TBCA: variants seen among roughly 807,000 people sequenced by gnomAD.
TBCA encodes the protein tubulin folding cofactor A.
Under a neutral mutation model 15.8 loss-of-function variants are expected in TBCA, and 6 were observed. That is an observed-to-expected ratio of 0.38 (90% CI 0.21 to 0.75). TBCA has a LOEUF of 0.75. TBCA is among the 30% of genes least tolerant of loss of function. TBCA has a pLI of 0.46. For missense variants in TBCA, 90 were observed against 131.2 expected, an observed-to-expected ratio of 0.69 and a Z score of 1.53; for synonymous variants, 32 against 42.3, an observed-to-expected ratio of 0.76 and a Z score of 0.94.
At chr5:77,739,584 A>G (rs191250002) in intron 1 of TBCA, among the ~76,000 whole-genome samples, 1 of 152,324 alleles carries the variant, frequency 6.6e-6, no homozygotes, top group Admixed American at 6.5e-5. Context: ...ATCAGTTTTT[A>G]AACATCAAGA....
chr5:77,698,223 G>A (rs992625317), intron 2 of TBCA, among the ~76,000 whole-genome samples: 44 of 150,932 alleles, frequency 2.9e-4, no homozygotes, highest in African/African-American at 1.0e-3. Context: ...AAGATAAAGT[G>A]AAAGGGCACA....
intron 1 of TBCA, among the ~76,000 whole-genome samples, chr5:77,730,524 T>C (rs1580114034): frequency 6.6e-6 from 1 of 152,190 alleles, no homozygotes; most frequent in African/African-American, 2.4e-5. Flanking sequence ...GTTATGGCAG[T>C]CCTAAGTAAT....
At chr5:77,735,588 T>C (rs904749371) in intron 1 of TBCA, among the ~76,000 whole-genome samples, 2 of 152,184 alleles carry the variant, frequency 1.3e-5, no homozygotes, top group Non-Finnish European at 2.9e-5. Context: ...CTAATTTTAG[T>C]CCATATTTAT....
At position 77,714,005 on chromosome 5, in the gene TBCA, GAA is replaced by G. The variant is rs34199450; in HGVS notation, c.54-5660_54-5659del. ...CTTTTAGACGCACACAGAATCCATT[GAA>G]AAAAAAAAAAAACCCCATCTATGTA... On this transcript the variant is annotated intron_variant, in intron 1 of 3. Transcript: ENST00000380377. Among the ~76,000 whole-genome samples, 396 of 137,340 alleles carry G rather than the reference GAA, an allele frequency of 2.9e-3. 3 individuals carry two copies. The highest frequency in any genetic ancestry group is 9.9e-3 in the African/African-American group (370 of 37,378). 90.1% of individuals were successfully genotyped at this position (137,340 alleles called of 152,430 possible). A position where few individuals can be genotyped will look rare whatever the true frequency, so the allele number is the denominator to read the frequency against.
chr5:77,735,309 T>A (rs1408131217), intron 1 of TBCA, among the ~76,000 whole-genome samples: 1 of 152,212 alleles, frequency 6.6e-6, no homozygotes, highest in Non-Finnish European at 1.5e-5. Flanking sequence ...TGCGAAAATC[T>A]ACTCTACTTT....
intron 1 of TBCA, among the ~76,000 whole-genome samples, chr5:77,738,544 T>C (rs1048417785): frequency 1.3e-5 from 2 of 152,228 alleles, no homozygotes; most frequent in African/African-American, 4.8e-5. Flanking sequence ...ATGATTCTGC[T>C]TGTTGAACTA....
intron 1 of TBCA, among the ~76,000 whole-genome samples, chr5:77,753,113 T>A (rs1037382659): frequency 8.5e-5 from 13 of 152,130 alleles, no homozygotes; most frequent in Admixed American, 4.6e-4. Context: ...GCTACCTAAC[T>A]CCTAAGAACC....
chr5:77,776,095 T>C (rs1237056155), intron 1 of TBCA, 110 bp downstream of exon 1: 11 of 1,380,102 alleles, frequency 8.0e-6, no homozygotes, highest in Non-Finnish European at 1.1e-5. Flanking sequence ...GGGTGCGGCC[T>C]GGAGTTCGGA....
At chr5:77,775,747 G>A (rs1256919559) in intron 1 of TBCA, among the ~76,000 whole-genome samples, 3 of 152,134 alleles carry the variant, frequency 2.0e-5, no homozygotes, top group Non-Finnish European at 4.4e-5. Context: ...CTTTTTTGAC[G>A]AGGCCCAGAT....
intron 2 of TBCA, among the ~76,000 whole-genome samples, chr5:77,696,887 C>G (rs1033602714): frequency 6.6e-6 from 1 of 152,158 alleles, no homozygotes; most frequent in East Asian, 1.9e-4. Flanking sequence ...ACAATGTACT[C>G]CAGCCTAGGC....
chr5:77,693,799 CAAAAAAAAAA>C (rs70991303), intron 2 of TBCA, among the ~76,000 whole-genome samples: 19,308 of 78,608 alleles, frequency 0.25, 1,866 homozygotes, highest in African/African-American at 0.4. Flanking sequence ...AACTCCATCT[CAAAAAAAAAA>C]AAAAAAAAAA....
At chr5:77,743,226 G>C (rs1415721927) in intron 1 of TBCA, among the ~76,000 whole-genome samples, 1 of 152,230 alleles carries the variant, frequency 6.6e-6, no homozygotes, top group Admixed American at 6.5e-5. Context: ...GCATATAGCG[G>C]TTAGAGGTAT....
chr5:77,742,634 C>T (rs985076624), intron 1 of TBCA, among the ~76,000 whole-genome samples: 12 of 152,046 alleles, frequency 7.9e-5, no homozygotes, highest in African/African-American at 2.9e-4. Flanking sequence ...AGTAAATATA[C>T]CAAAATGTTC....
intron 2 of TBCA, among the ~76,000 whole-genome samples, chr5:77,698,062 G>C (rs2112423983): frequency 6.6e-6 from 1 of 151,960 alleles, no homozygotes; most frequent in African/African-American, 2.4e-5. Flanking sequence ...TAAGGCTGCA[G>C]TGAGCCATGA....
At chr5:77,750,518 C>T (rs561420926) in intron 1 of TBCA, among the ~76,000 whole-genome samples, 112 of 152,250 alleles carry the variant, frequency 7.4e-4, no homozygotes, top group Non-Finnish European at 9.3e-4. Context: ...TTCTGATAAT[C>T]TCAGTTTTCA....
intron 1 of TBCA, among the ~76,000 whole-genome samples, chr5:77,756,073 TC>T: frequency 1.3e-5 from 2 of 152,284 alleles, no homozygotes; most frequent in East Asian, 3.9e-4. Flanking sequence ...TCCTTGTTTT[TC>T]CTCATTATTA....
chr5:77,772,022 GA>G (rs138113299), intron 1 of TBCA, among the ~76,000 whole-genome samples: 4 of 150,174 alleles, frequency 2.7e-5, no homozygotes, highest in Non-Finnish European at 5.9e-5. Context: ...CGTCTAACCA[GA>G]AAAAGAGTGT....
intron 1 of TBCA, among the ~76,000 whole-genome samples, chr5:77,770,482 T>C (rs1018128932): frequency 6.6e-6 from 1 of 152,120 alleles, no homozygotes; most frequent in Admixed American, 6.5e-5. Context: ...CCTGGGACTT[T>C]CCCAGTTTTA....
intron 1 of TBCA, among the ~76,000 whole-genome samples, chr5:77,723,115 T>A (rs1385014685): frequency 1.3e-5 from 2 of 151,770 alleles, no homozygotes; most frequent in Non-Finnish European, 3.0e-5. Context: ...AAAAATTATA[T>A]AGTAACATTA....
Sources: allele counts gnomAD v4.1 joint callset (sites outside exome capture counted in the v4.1 genomes callset), GRCh38; gene constraint gnomAD v4.1.1; transcripts MANE v1.5; gene names NCBI Gene and HGNC (gene_info 2026-07-23, HGNC 2026-07-21).